Variants in AGR2 observed in about 807,000 individuals in gnomAD.
The protein encoded by AGR2 is anterior gradient protein 2 homolog.
Under a neutral mutation model 25.9 loss-of-function variants are expected in AGR2, and 27 were observed. That is an observed-to-expected ratio of 1.04 (90% CI 0.77 to 1.44). The LOEUF is 1.44. Among genes scored for constraint, AGR2 ranks in the 40% most tolerant of loss-of-function variants. AGR2 has a pLI of 0.00. For synonymous variants in AGR2, 78 were observed against 72.0 expected (o/e 1.08, Z -0.42); for missense variants, 182 against 200.9 (o/e 0.91, Z 0.57).
At chr7:16,795,215 A>G (rs1785024473) in intron 6 of AGR2, among the ~76,000 whole-genome samples, 196 bp from the exon 7 acceptor site, 1 of 152,080 alleles carries the variant, frequency 6.6e-6, no homozygotes, top group Non-Finnish European at 1.5e-5. Context: ...GGCTGGAAAC[A>G]TCAACAGCTG....
intron 7 of AGR2, 114 bp from the exon 8 acceptor site, chr7:16,793,071 G>A (rs747872889): frequency 2.8e-5 from 28 of 1,002,524 alleles, no homozygotes; most frequent in Admixed American, 8.3e-5. Flanking sequence ...TTTTTTTTGA[G>A]ACAAGGTCTC....
In AGR2 at chr7:16,799,420, G is replaced by A. The variant is rs534718766; in HGVS notation, c.330+324C>T. 2.0e-5 allele frequency among the ~76,000 whole-genome samples: 3 copies of A among 152,210 alleles called. No homozygotes were observed. In the South Asian group the frequency reaches 6.2e-4, roughly 32 times the overall value. On this transcript the variant is annotated intron_variant, in intron 5 of 7. Coordinates refer to ENST00000419304, the MANE Select transcript of AGR2 (RefSeq NM_006408.4). ...GCTGTCTCTTCCCAAGAGATGACCA[G>A]GATTAAGAATGGGTGTAGAGAAGCC...
At chr7:16,795,318 G>GTTTTT (rs76582218) in intron 6 of AGR2, among the ~76,000 whole-genome samples, 1 of 139,160 alleles carries the variant, frequency 7.2e-6, no homozygotes, top group African/African-American at 2.6e-5. Context: ...GTGACATGGT[G>GTTTTT]TTTTTTTTTT....
intron 1 of AGR2, among the ~76,000 whole-genome samples, chr7:16,803,992 G>C (rs542291223): frequency 1.3e-5 from 2 of 152,206 alleles, no homozygotes; most frequent in South Asian, 4.2e-4. Flanking sequence ...TACAGTTCTT[G>C]TTTTCCAAGT....
intron 7 of AGR2, chr7:16,794,574 A>G: frequency 4.6e-6 from 2 of 431,078 alleles, no homozygotes; most frequent in Non-Finnish European, 8.1e-6. Flanking sequence ...CACTTTTGTT[A>G]TTTAAAAAAT....
intron 6 of AGR2, among the ~76,000 whole-genome samples, chr7:16,797,385 T>C (rs1232669039): frequency 6.6e-6 from 1 of 152,200 alleles, no homozygotes; most frequent in Non-Finnish European, 1.5e-5. Context: ...TTCTCAGAAG[T>C]ATTATAGCAG....
intron 5 of AGR2, among the ~76,000 whole-genome samples, chr7:16,799,373 A>G (rs978603342): frequency 6.6e-6 from 1 of 152,134 alleles, no homozygotes; most frequent in African/African-American, 2.4e-5. Flanking sequence ...AAGAGGCATG[A>G]TTAGAGTTGG....
intron 6 of AGR2, 75 bp from the exon 7 acceptor site, chr7:16,795,094 C>G: frequency 2.0e-6 from 3 of 1,508,902 alleles, no homozygotes; most frequent in Non-Finnish European, 1.8e-6. Context: ...CCCCGGGGAG[C>G]TGAAGTTCAT....
intron 7 of AGR2, 119 bp from the exon 8 acceptor site, chr7:16,793,076 G>A: frequency 1.1e-6 from 1 of 922,302 alleles, no homozygotes; most frequent in South Asian, 1.5e-5. Context: ...TTTGAGACAA[G>A]GTCTCACTCC....
rs370522805 is a variant in AGR2, at chr7:16,801,807, G to A, written c.-7-4C>T. The stretch of plus-strand genomic sequence containing the variant: ...TGGAATTTTCTCCATGGCAACTCTA[G>A]TATGGAAAACCAACCAAAATCAGTA... On this transcript the variant is annotated splice_region_variant and splice_polypyrimidine_tract_variant and intron_variant, in intron 1 of 7. Coordinates refer to ENST00000419304, the MANE Select transcript of AGR2 (RefSeq NM_006408.4). The A allele has an allele frequency of 2.4e-5, 38 of 1,604,150 alleles. No individual in the cohort carries two copies. In the African/African-American group the frequency reaches 3.9e-4, roughly 16 times the overall value.
intron 6 of AGR2, among the ~76,000 whole-genome samples, chr7:16,796,051 T>A (rs1185649785): frequency 6.6e-6 from 1 of 152,234 alleles, no homozygotes; most frequent in Non-Finnish European, 1.5e-5. Flanking sequence ...GGCTGCACAT[T>A]GGAATCATCT....
chr7:16,794,186 C>T (rs1215724106), intron 7 of AGR2, among the ~76,000 whole-genome samples: 1 of 152,170 alleles, frequency 6.6e-6, no homozygotes, highest in Non-Finnish European at 1.5e-5. Flanking sequence ...GTTCAGTGTC[C>T]GGGCATTGAG....
Position 16,794,958 on chromosome 7 carries a change from G to A in AGR2, c.456C>T (p.Tyr152=), listed in dbSNP as rs1233676231. 9.9e-6 allele frequency: 16 copies of A among 1,614,182 alleles called. No individual in the cohort carries two copies. The highest frequency in any genetic ancestry group is 1.7e-5 in the Admixed American group (1 of 60,032). The part of the protein sequence containing the change: ...TGRYSNRLYA[Y]EPADTALLLD... ...TACACAGAGCTGTATCTGCAGGTTC[G>A]TAAGCATAGAGACGATTTGAATATC... The change falls in exon 7 of 8, where the codon TAC becomes TAT. Residue 152 remains tyrosine, a synonymous_variant. Coordinates refer to ENST00000419304, the MANE Select transcript of AGR2 (RefSeq NM_006408.4).
intron 1 of AGR2, among the ~76,000 whole-genome samples, chr7:16,802,296 T>C (rs900781849): frequency 6.6e-6 from 1 of 152,182 alleles, no homozygotes; most frequent in Non-Finnish European, 1.5e-5. Context: ...GGAAAAAACA[T>C]AGCATATGTA....
At chr7:16,795,801 T>C (rs1785035525) in intron 6 of AGR2, among the ~76,000 whole-genome samples, 1 of 152,120 alleles carries the variant, frequency 6.6e-6, no homozygotes, top group South Asian at 2.1e-4. Context: ...AAGGAAGACA[T>C]GTGAGAACCA....
chr7:16,803,602 C>T (rs924166785), intron 1 of AGR2, among the ~76,000 whole-genome samples: 1 of 152,036 alleles, frequency 6.6e-6, no homozygotes, highest in Non-Finnish European at 1.5e-5. Context: ...AGTATGTAAG[C>T]ACAAAATGTC....
At chr7:16,793,466 A>G (rs776664456) in intron 7 of AGR2, among the ~76,000 whole-genome samples, 7 of 152,196 alleles carry the variant, frequency 4.6e-5, no homozygotes, top group Non-Finnish European at 1.0e-4. Context: ...TCCTTCCCAG[A>G]TCCTTCATCT....
At chr7:16,801,942 G>T (rs921090302) in intron 1 of AGR2, 139 bp from the exon 2 acceptor site, 12 of 629,918 alleles carry the variant, frequency 1.9e-5, no homozygotes, top group Non-Finnish European at 2.9e-5. Flanking sequence ...GGCGTAAATA[G>T]CTCTGTTCCA....
At chr7:16,794,415 T>G (rs1785009907) in intron 7 of AGR2, among the ~76,000 whole-genome samples, 1 of 151,866 alleles carries the variant, frequency 6.6e-6, no homozygotes. Flanking sequence ...CTCATCTGCC[T>G]TAAGTCAGTG....
Sources: gnomAD v4.1 joint callset for allele counts (sites outside exome capture counted in the v4.1 genomes callset) on GRCh38, gnomAD v4.1.1 for gene constraint, MANE v1.5 for transcripts, NCBI Gene and HGNC (gene_info 2026-07-23, HGNC 2026-07-21) for gene names.